IFT88: variants seen among roughly 807,000 people sequenced by gnomAD.
IFT88 encodes the protein intraflagellar transport 88, also known as intraflagellar transport protein 88 homolog.
A neutral mutation model predicts 119.5 loss-of-function variants in IFT88; 74 were observed. The observed-to-expected ratio is 0.62, with a 90% CI of 0.51 to 0.75. IFT88 has a LOEUF of 0.75. IFT88 is among the 30% of genes least tolerant of loss of function. IFT88 has a pLI of 0.00. For synonymous variants in IFT88, 279 were observed against 316.7 expected (o/e 0.88, Z 1.26); for missense variants, 961 against 977.7 (o/e 0.98, Z 0.23).
At chr13:20,644,710 A>G in intron 19 of IFT88, 133 bp from the exon 20 acceptor site, 1 of 501,852 alleles carries the variant, frequency 2.0e-6, no homozygotes, top group Non-Finnish European at 3.6e-6. Context: ...TTTACAAAGT[A>G]CTTAGGACAG....
intron 13 of IFT88, among the ~76,000 whole-genome samples, chr13:20,610,915 G>A (rs1436206782): frequency 1.3e-5 from 2 of 151,992 alleles, no homozygotes; most frequent in Non-Finnish European, 2.9e-5. Context: ...GAGGTGGGTG[G>A]ATCACTTGAT....
At chr13:20,607,646 G>A in intron 13 of IFT88, 1 of 878,680 alleles carries the variant, frequency 1.1e-6, no homozygotes, top group South Asian at 1.3e-5. Flanking sequence ...CCCCACCTGG[G>A]TTCTGGTGGA....
At chr13:20,570,404 A>T (rs557701541) in intron 1 of IFT88, among the ~76,000 whole-genome samples, 4 of 152,352 alleles carry the variant, frequency 2.6e-5, no homozygotes, top group African/African-American at 9.6e-5. Context: ...CTATATATGC[A>T]TGCTAAAACT....
chr13:20,635,469 C>A (rs1043716475), intron 16 of IFT88, among the ~76,000 whole-genome samples: 3 of 152,154 alleles, frequency 2.0e-5, no homozygotes, highest in Admixed American at 2.0e-4. Flanking sequence ...CAGGTGTGGC[C>A]AGTGCTCCCT....
chr13:20,625,742 C>G lies in IFT88; in HGVS notation c.1200-8C>G, dbSNP rs775014011. The G allele has an allele frequency of 6.4e-7, 1 of 1,571,488 alleles. No homozygotes were observed. The highest frequency in any genetic ancestry group is 8.6e-7 in the Non-Finnish European group (1 of 1,156,162). On this transcript the variant is annotated splice_polypyrimidine_tract_variant and splice_region_variant and intron_variant, in intron 14 of 25. Transcript: ENST00000351808. ...ATCAAGTAAGGTTTTTTATGCTTTC[C>G]CTTATAGGTGCGTGGAAGTGGTGAA...
chr13:20,567,864 GTTTGTTTTT>G, intron 1 of IFT88: 1 of 887,770 alleles, frequency 1.1e-6, no homozygotes, highest in Admixed American at 3.0e-5. Flanking sequence ...AGTTTTTTTT[GTTTGTTTTT>G]TTTTTTTCGA....
intron 20 of IFT88, among the ~76,000 whole-genome samples, chr13:20,653,416 G>T (rs1328772339): frequency 2.0e-5 from 3 of 152,114 alleles, no homozygotes; most frequent in Non-Finnish European, 4.4e-5. Context: ...AAAAGAATTT[G>T]ATTTCTTTTT....
chr13:20,677,887 C>A (rs1215323547), intron 24 of IFT88, among the ~76,000 whole-genome samples: 3 of 152,060 alleles, frequency 2.0e-5, no homozygotes, highest in African/African-American at 7.2e-5. Flanking sequence ...ATAACACATT[C>A]AAAGGAATGG....
chr13:20,591,799 T>C lies in IFT88; in HGVS notation c.328+118T>C. Reference sequence around the variant, plus strand: ...TCTAACAATGCCATTGATTATAAGATGCACTGATATTTTAGGTACCATTAA... The same window carrying C: ...TCTAACAATGCCATTGATTATAAGACGCACTGATATTTTAGGTACCATTAA... On this transcript the variant is annotated intron_variant, in intron 6 of 25. Transcript: ENST00000351808. 5 of 655,310 alleles carry C rather than the reference T, an allele frequency of 7.6e-6. No individual in the cohort carries two copies. The South Asian group carries it at 1.0e-4, about 13-fold the overall frequency. The allele number at this position is 655,310 out of a possible 1,614,324, so 40.6% of individuals were successfully genotyped here.
intron 24 of IFT88, among the ~76,000 whole-genome samples, chr13:20,679,625 T>C (rs2057093838): frequency 6.6e-6 from 1 of 152,146 alleles, no homozygotes; most frequent in Admixed American, 6.5e-5. Flanking sequence ...CATATGATGA[T>C]TAGGGAGATC....
chr13:20,662,984 A>G (rs1327941623), intron 22 of IFT88, among the ~76,000 whole-genome samples: 1 of 152,254 alleles, frequency 6.6e-6, no homozygotes, highest in Non-Finnish European at 1.5e-5. Flanking sequence ...TATTTTGTAT[A>G]TATTTGATGT....
chr13:20,619,425 A>T (rs1191804946), intron 14 of IFT88, among the ~76,000 whole-genome samples: 1 of 152,204 alleles, frequency 6.6e-6, no homozygotes, highest in African/African-American at 2.4e-5. Flanking sequence ...CTAAGCAGGC[A>T]TCCATAATTT....
At chr13:20,609,305 CATT>C (rs2044047542) in intron 13 of IFT88, among the ~76,000 whole-genome samples, 1 of 152,130 alleles carries the variant, frequency 6.6e-6, no homozygotes, top group African/African-American at 2.4e-5. Flanking sequence ...GAATCATGAA[CATT>C]ATCTCAATGT....
intron 1 of IFT88, among the ~76,000 whole-genome samples, chr13:20,573,869 C>G (rs911746591): frequency 9.9e-5 from 15 of 152,098 alleles, no homozygotes; most frequent in Admixed American, 7.2e-4. Flanking sequence ...TGTCACTGTT[C>G]TTTCAGTGTC....
At chr13:20,647,865 A>T (rs2050979041) in intron 20 of IFT88, among the ~76,000 whole-genome samples, 1 of 152,208 alleles carries the variant, frequency 6.6e-6, no homozygotes, top group African/African-American at 2.4e-5. Context: ...AATTCTATGT[A>T]GGAAAAACAC....
intron 12 of IFT88, among the ~76,000 whole-genome samples, chr13:20,602,770 C>A (rs1053799088): frequency 7.3e-5 from 11 of 151,696 alleles, no homozygotes; most frequent in African/African-American, 2.7e-4. Context: ...GTAATCCCAG[C>A]TACTTGGGAG....
chr13:20,599,673 C>T, intron 11 of IFT88, 108 bp downstream of exon 11: 3 of 610,288 alleles, frequency 4.9e-6, no homozygotes, highest in Non-Finnish European at 5.8e-6. Context: ...AGTGTTTGTA[C>T]ATGAGATTTA....
intron 13 of IFT88, among the ~76,000 whole-genome samples, 163 bp downstream of exon 13, chr13:20,605,268 A>G (rs1401350444): frequency 1.3e-5 from 2 of 152,158 alleles, no homozygotes; most frequent in African/African-American, 4.8e-5. Flanking sequence ...GTTATATTCA[A>G]TATATTTCTT....
chr13:20,646,364 G>A (rs755272859), intron 20 of IFT88, among the ~76,000 whole-genome samples: 7 of 151,106 alleles, frequency 4.6e-5, no homozygotes, highest in Non-Finnish European at 7.4e-5. Context: ...GTGCAGTGGC[G>A]TGATCCCGGC....
Sources: gnomAD v4.1 joint callset for allele counts (sites outside exome capture counted in the v4.1 genomes callset) on GRCh38, gnomAD v4.1.1 for gene constraint, MANE v1.5 for transcripts, NCBI Gene and HGNC (gene_info 2026-07-23, HGNC 2026-07-21) for gene names.